Variants in GRXCR2 observed in about 807,000 individuals in gnomAD.
GRXCR2 encodes the protein glutaredoxin and cysteine rich domain containing 2.
A neutral mutation model predicts 24.8 loss-of-function variants in GRXCR2; 23 were observed. The observed-to-expected ratio is 0.93, with a 90% CI of 0.67 to 1.32. The LOEUF is 1.32. Ranked by LOEUF, GRXCR2 falls within the 40% of genes most tolerant of loss-of-function variation. The pLI is 0.00. For synonymous variants in GRXCR2, 130 were observed against 116.1 expected (o/e 1.12, Z -0.77); for missense variants, 315 against 303.4 (o/e 1.04, Z -0.28).
chr5:145,916,277 A>G (rs1165872695), intron 2 of GRXCR2, among the ~76,000 whole-genome samples: 4 of 152,216 alleles, frequency 2.6e-5, no homozygotes, highest in Non-Finnish European at 5.9e-5. Flanking sequence ...AGGCTGCATC[A>G]TTAGATGAGG....
chr5:145,889,070 A>T (rs889416486), intron 2 of GRXCR2, among the ~76,000 whole-genome samples: 4 of 152,024 alleles, frequency 2.6e-5, no homozygotes, highest in East Asian at 1.9e-4. Flanking sequence ...AGGCAGGAGA[A>T]TCGCCTGAAC....
Position 145,862,707 on chromosome 5 carries a change from T to G in GRXCR2, c.565-2792A>C, listed in dbSNP as rs967227718. 2.6e-5 allele frequency among the ~76,000 whole-genome samples: 4 copies of G among 152,276 alleles called. No homozygotes were observed. The East Asian group carries it at 7.7e-4, about 29-fold the overall frequency. ...CCCTGAAGATGGTAACCAGTGCCAA[T>G]TGAGACTGCATAATAGGGTTATTAT... On this transcript the variant is annotated intron_variant, in intron 2 of 2. Transcript: ENST00000377976.
intron 2 of GRXCR2, among the ~76,000 whole-genome samples, chr5:145,912,416 G>T (rs1757178316): frequency 1.3e-5 from 2 of 152,108 alleles, no homozygotes; most frequent in Non-Finnish European, 2.9e-5. Context: ...AATAACTACA[G>T]TACCCCTGTT....
intron 2 of GRXCR2, among the ~76,000 whole-genome samples, chr5:145,927,544 T>G (rs575460386): frequency 1.3e-5 from 2 of 152,212 alleles, no homozygotes; most frequent in Non-Finnish European, 2.9e-5. Flanking sequence ...TTGATTTGCG[T>G]ATGTTGAACC....
intron 2 of GRXCR2, among the ~76,000 whole-genome samples, chr5:145,925,163 A>G (rs1386258590): frequency 1.3e-5 from 2 of 152,176 alleles, no homozygotes. Flanking sequence ...CAAGCACAGC[A>G]TGTTTAAGTA....
chr5:145,860,560 T>C (rs1285947372), intron 2 of GRXCR2, among the ~76,000 whole-genome samples: 1 of 152,204 alleles, frequency 6.6e-6, no homozygotes, highest in Non-Finnish European at 1.5e-5. Context: ...TCTGTGTGAC[T>C]GAGAGACTGA....
Position 145,859,412 on chromosome 5 carries a change from G to T in GRXCR2, c.*321C>A. 1 of 318,742 alleles carries T rather than the reference G, an allele frequency of 3.1e-6. No individual in the cohort carries two copies. The highest frequency in any genetic ancestry group is 5.8e-6 in the Non-Finnish European group (1 of 172,634). 19.7% of individuals were successfully genotyped at this position (318,742 alleles called of 1,614,324 possible). ...AATAACTCCCAACCTGATGCCTGAA[G>T]TGTACATGTATTTGCTCACTGAAGC... is the stretch of plus-strand genomic sequence containing the variant. On this transcript the variant is annotated 3_prime_UTR_variant, in exon 3 of 3. Coordinates refer to ENST00000377976, the MANE Select transcript of GRXCR2 (RefSeq NM_001080516.2).
At chr5:145,899,320 C>T (rs686472) in intron 2 of GRXCR2, among the ~76,000 whole-genome samples, 12,002 of 151,962 alleles carry the variant, frequency 0.079, 1,067 homozygotes, top group African/African-American at 0.22. Context: ...ATCACTAAAA[C>T]AACCTTATTG....
intron 2 of GRXCR2, among the ~76,000 whole-genome samples, chr5:145,891,023 C>T (rs1269165441): frequency 6.6e-6 from 1 of 152,068 alleles, no homozygotes; most frequent in African/African-American, 2.4e-5. Flanking sequence ...TAAAACAGGA[C>T]AATGGGTAAA....
chr5:145,918,991 A>G (rs536077348), intron 2 of GRXCR2, among the ~76,000 whole-genome samples: 155 of 152,234 alleles, frequency 1.0e-3, no homozygotes, highest in African/African-American at 3.6e-3. Context: ...ACTCTGAGCT[A>G]CTAAGTTTCC....
intron 2 of GRXCR2, among the ~76,000 whole-genome samples, chr5:145,905,262 A>G (rs151327964): frequency 6.6e-6 from 1 of 152,228 alleles, no homozygotes; most frequent in Non-Finnish European, 1.5e-5. Flanking sequence ...TGCCTAGCTT[A>G]TCAGAGATTC....
intron 2 of GRXCR2, among the ~76,000 whole-genome samples, chr5:145,928,230 A>G (rs550961172): frequency 0.036 from 5,428 of 151,972 alleles, 109 homozygotes; most frequent in African/African-American, 0.043. Flanking sequence ...TTAGAATGGC[A>G]ATCATTAAAA....
At chr5:145,925,166 T>G (rs1185014696) in intron 2 of GRXCR2, among the ~76,000 whole-genome samples, 2 of 152,140 alleles carry the variant, frequency 1.3e-5, no homozygotes, top group Non-Finnish European at 2.9e-5. Flanking sequence ...GCACAGCATG[T>G]TTAAGTAATT....
At position 145,892,296 on chromosome 5, in the gene GRXCR2, C is replaced by A. The variant is rs559296123; in HGVS notation, c.-69-25568G>T. 4.6e-5 allele frequency among the ~76,000 whole-genome samples: 7 copies of A among 152,218 alleles called. No individual in the cohort carries two copies. In the South Asian group the frequency reaches 8.3e-4, roughly 18 times the overall value. On this transcript the variant is annotated intron_variant, in intron 2 of 3. Transcript: ENST00000639411. ...AAGCTAGATGGAGAATGACTTTAAC[C>A]AGTGGAGAGAAGAAGGCTTCAGATG...
intron 2 of GRXCR2, among the ~76,000 whole-genome samples, chr5:145,884,207 G>A (rs1756744378): frequency 6.6e-6 from 1 of 152,068 alleles, no homozygotes; most frequent in African/African-American, 2.4e-5. Flanking sequence ...ATAGAGGAAT[G>A]GTTAAGTGGC....
chr5:145,922,715 C>T (rs1024179233), intron 2 of GRXCR2, among the ~76,000 whole-genome samples: 2 of 152,214 alleles, frequency 1.3e-5, no homozygotes, highest in Admixed American at 1.3e-4. Context: ...CCCAGGGACT[C>T]ATATGGTCCA....
At position 145,859,803 on chromosome 5, in the gene GRXCR2, G is replaced by T; in HGVS notation, c.677C>A (p.Ser226Tyr). Residue 226 changes from serine to tyrosine, a missense_variant, in exon 3 of 3, where the codon TCC becomes TAC. By Grantham distance (144) the Ser-to-Tyr change is moderately radical. Transcript: ENST00000377976. ...FSMLANRFKE[S>Y]YRALRCPACN... The stretch of plus-strand genomic sequence containing the variant: ...GGCAGGGCACCTCAGGGCCCGATAG[G>T]ACTCCTTAAATCTGTTGGCCAGCAT... 6.2e-7 allele frequency: 1 copy of T among 1,614,158 alleles called. No homozygotes were observed. Among genetic ancestry groups the T allele is most frequent in the East Asian group, 2.2e-5 (1 of 44,884 alleles).
At chr5:145,899,192 A>G (rs138890045) in intron 2 of GRXCR2, among the ~76,000 whole-genome samples, 1 of 152,224 alleles carries the variant, frequency 6.6e-6, no homozygotes, top group Non-Finnish European at 1.5e-5. Context: ...CTAGGAATAC[A>G]TCTAACCTAG....
intron 1 of GRXCR2, among the ~76,000 whole-genome samples, 197 bp downstream of exon 1, chr5:145,872,436 T>A (rs779190744): frequency 6.6e-6 from 1 of 152,210 alleles, no homozygotes; most frequent in African/African-American, 2.4e-5. Flanking sequence ...CATTGCACTT[T>A]CCAATTAGTA....
Sources: allele counts gnomAD v4.1 joint callset (sites outside exome capture counted in the v4.1 genomes callset), GRCh38; gene constraint gnomAD v4.1.1; transcripts MANE v1.5; gene names NCBI Gene and HGNC (gene_info 2026-07-23, HGNC 2026-07-21).